DLG2: variants seen among roughly 807,000 people sequenced by gnomAD.
DLG2 encodes the protein disks large homolog 2.
DLG2 carries 45 observed loss-of-function variants against 132.5 expected under a neutral mutation model. The ratio of observed to expected loss-of-function variants is 0.34; its 90% CI spans 0.27 to 0.44. DLG2 has a LOEUF of 0.44. Ranked by LOEUF, DLG2 falls within the 20% of genes least tolerant of loss-of-function variation. The pLI, the probability that DLG2 is intolerant of heterozygous loss-of-function variation, is 1.00. For missense variants in DLG2, 1,045 were observed against 1,196.9 expected (o/e 0.87, Z 1.87); for synonymous variants, 424 against 419.6 (o/e 1.01, Z -0.13).
intron 9 of DLG2, among the ~76,000 whole-genome samples, chr11:84,159,923 A>G (rs2095509676): frequency 6.6e-6 from 1 of 152,166 alleles, no homozygotes; most frequent in Non-Finnish European, 1.5e-5. Context: ...TTTAGATTTT[A>G]GATTATTTTT....
intron 3 of DLG2, among the ~76,000 whole-genome samples, chr11:85,487,840 G>A (rs1215709261): frequency 6.6e-6 from 1 of 152,142 alleles, no homozygotes; most frequent in African/African-American, 2.4e-5. Flanking sequence ...ATGCAAAGAA[G>A]ATTTTGCCAT....
Position 83,699,842 on chromosome 11 carries a change from C to CATGT in DLG2, c.1826-66521_1826-66518dup, listed in dbSNP as rs1278845375. On this transcript the variant is annotated intron_variant, in intron 18 of 27. Coordinates refer to ENST00000376104, the MANE Select transcript of DLG2 (RefSeq NM_001142699.3). ...CTATCTATCTATCTATCTATCTTTC[C>CATGT]ATGTATGTATGTATGTATGCATGTA... Among the ~76,000 whole-genome samples, 85 of 149,826 alleles carry CATGT rather than the reference C, an allele frequency of 5.7e-4. 1 individual carries two copies. Among genetic ancestry groups the CATGT allele is most frequent in the African/African-American group, 2.0e-3 (83 of 40,724 alleles).
chr11:83,933,711 T>C (rs2080851220), intron 14 of DLG2, among the ~76,000 whole-genome samples: 1 of 150,054 alleles, frequency 6.7e-6, no homozygotes, highest in Non-Finnish European at 1.5e-5. Flanking sequence ...CCTTCCCATT[T>C]GGACCACTTG....
intron 15 of DLG2, among the ~76,000 whole-genome samples, chr11:83,889,516 A>C (rs1398069453): frequency 1.3e-5 from 2 of 152,206 alleles, no homozygotes; most frequent in African/African-American, 2.4e-5. Flanking sequence ...GTGGGACTGT[A>C]AACTAGTTCA....
chr11:85,453,993 T>C (rs2092338331), intron 3 of DLG2, among the ~76,000 whole-genome samples: 1 of 152,046 alleles, frequency 6.6e-6, no homozygotes, highest in African/African-American at 2.4e-5. Context: ...GTGTTTTCAT[T>C]GCTTAGCTCT....
intron 2 of DLG2, among the ~76,000 whole-genome samples, chr11:85,622,687 A>G (rs1359209253): frequency 6.6e-6 from 1 of 152,012 alleles, no homozygotes; most frequent in African/African-American, 2.4e-5. Context: ...AAGCAAAGAG[A>G]TAATTTAAGA....
At chr11:84,689,869 AAG>A (rs1359186212) in intron 6 of DLG2, among the ~76,000 whole-genome samples, 3 of 151,936 alleles carry the variant, frequency 2.0e-5, no homozygotes, top group Non-Finnish European at 4.4e-5. Context: ...AGAGAAGAAA[AAG>A]AGACAAAAAA....
intron 7 of DLG2, among the ~76,000 whole-genome samples, chr11:84,395,977 C>A (rs2098809539): frequency 6.6e-6 from 1 of 152,182 alleles, no homozygotes; most frequent in African/African-American, 2.4e-5. Context: ...CACATATTTT[C>A]CCCTATTATG....
chr11:83,576,450 T>C (rs1179336388), intron 19 of DLG2, among the ~76,000 whole-genome samples: 1 of 151,998 alleles, frequency 6.6e-6, no homozygotes, highest in African/African-American at 2.4e-5. Context: ...ACAAGAAACA[T>C]AAAGAGAAAC....
chr11:83,737,629 A>C (rs1466010592), intron 18 of DLG2, among the ~76,000 whole-genome samples: 44 of 152,172 alleles, frequency 2.9e-4, no homozygotes, highest in Admixed American at 2.9e-3. Context: ...TCCATAGTTA[A>C]CTCTAGATAA....
At chr11:85,315,637 T>C (rs899723820) in intron 3 of DLG2, among the ~76,000 whole-genome samples, 1 of 152,008 alleles carries the variant, frequency 6.6e-6, no homozygotes, top group African/African-American at 2.4e-5. Flanking sequence ...TGTTGGTACC[T>C]CAACCCAAGA....
At chr11:85,408,518 G>A (rs1011952697) in intron 3 of DLG2, among the ~76,000 whole-genome samples, 1 of 149,460 alleles carries the variant, frequency 6.7e-6, no homozygotes, top group Non-Finnish European at 1.5e-5. Context: ...CTAGCATTAG[G>A]TATATCTCCC....
intron 7 of DLG2, among the ~76,000 whole-genome samples, chr11:84,438,297 G>A (rs1376428416): frequency 2.0e-5 from 3 of 152,162 alleles, no homozygotes; most frequent in African/African-American, 4.8e-5. Flanking sequence ...GCAGGATGAA[G>A]TCTCCTCCCA....
chr11:83,891,584 G>C (rs1171488250), intron 15 of DLG2, among the ~76,000 whole-genome samples: 1 of 152,182 alleles, frequency 6.6e-6, no homozygotes, highest in East Asian at 1.9e-4. Context: ...AGGATATGTG[G>C]AGAGAAAGCA....
intron 3 of DLG2, among the ~76,000 whole-genome samples, chr11:85,401,178 T>C (rs1056687770): frequency 6.6e-6 from 1 of 152,012 alleles, no homozygotes; most frequent in Admixed American, 6.6e-5. Flanking sequence ...GCAAGACTGG[T>C]TCAACATATG....
chr11:83,840,196 TC>T (rs1205785888), intron 16 of DLG2, among the ~76,000 whole-genome samples: 14 of 152,170 alleles, frequency 9.2e-5, no homozygotes, highest in Non-Finnish European at 1.9e-4. Flanking sequence ...CACTGTGTCT[TC>T]CACACATGCA....
chr11:83,631,167 C>CTTTTTTTTTTTTTTTTTTTTTTTTGT (rs57696126), intron 19 of DLG2: 1 of 91,658 alleles, frequency 1.1e-5, no homozygotes, highest in Non-Finnish European at 2.1e-5. Context: ...TTGCTTCTTG[C>CTTTTTTTTTTTTTTTTTTTTTTTTGT]TTTTTTTTTT....
chr11:84,723,825 T>G (rs1430845946), intron 6 of DLG2, among the ~76,000 whole-genome samples: 1 of 152,158 alleles, frequency 6.6e-6, no homozygotes, highest in African/African-American at 2.4e-5. Flanking sequence ...TTCCTAATAA[T>G]TATCACTTTT....
intron 6 of DLG2, among the ~76,000 whole-genome samples, chr11:84,608,863 C>A (rs1000823371): frequency 5.3e-5 from 8 of 152,140 alleles, no homozygotes; most frequent in African/African-American, 1.9e-4. Flanking sequence ...AATGTTTATT[C>A]CCATAATAAT....
Sources: gnomAD v4.1 joint callset for allele counts (sites outside exome capture counted in the v4.1 genomes callset) on GRCh38, gnomAD v4.1.1 for gene constraint, MANE v1.5 for transcripts, NCBI Gene and HGNC (gene_info 2026-07-23, HGNC 2026-07-21) for gene names.